The following ZNF385B variants were observed in gnomAD, a reference collection of about 807,000 sequenced individuals.
ZNF385B encodes the protein zinc finger protein 385B.
Under a neutral mutation model 39.2 loss-of-function variants are expected in ZNF385B, and 23 were observed. The observed-to-expected ratio is 0.59, with a 90% CI of 0.42 to 0.83. The LOEUF is 0.83. Ranked by LOEUF, ZNF385B falls within the 40% of genes least tolerant of loss-of-function variation. ZNF385B has a pLI of 0.00. For missense variants in ZNF385B, 552 were observed against 598.9 expected, an observed-to-expected ratio of 0.92 and a Z score of 0.82; for synonymous variants, 205 against 222.6, an observed-to-expected ratio of 0.92 and a Z score of 0.70.
intron 1 of ZNF385B, among the ~76,000 whole-genome samples, chr2:179,775,740 C>T (rs941842398): frequency 6.6e-6 from 1 of 152,068 alleles, no homozygotes. Flanking sequence ...AGAGGATCTT[C>T]GTATTATGTG....
chr2:179,698,733 T>C (rs1252788327), intron 3 of ZNF385B, among the ~76,000 whole-genome samples: 1 of 152,132 alleles, frequency 6.6e-6, no homozygotes, highest in Non-Finnish European at 1.5e-5. Context: ...TAATACAACT[T>C]CCAGATATCA....
intron 3 of ZNF385B, among the ~76,000 whole-genome samples, chr2:179,760,869 G>GT (rs999838339): frequency 1.6e-4 from 24 of 152,070 alleles, no homozygotes; most frequent in African/African-American, 5.3e-4. Flanking sequence ...AAATTTTTAT[G>GT]TTTTTTACAT....
chr2:179,513,451 T>C (rs1253955058), intron 5 of ZNF385B, among the ~76,000 whole-genome samples: 3 of 152,222 alleles, frequency 2.0e-5, no homozygotes, highest in South Asian at 4.1e-4. Flanking sequence ...CATATGCTTA[T>C]GTGTGCACAT....
chr2:179,828,352 ATGCT>A (rs1707791710), intron 1 of ZNF385B, among the ~76,000 whole-genome samples: 1 of 152,192 alleles, frequency 6.6e-6, no homozygotes, highest in Non-Finnish European at 1.5e-5. Flanking sequence ...CAAAATCCAA[ATGCT>A]AATCATTAAA....
At chr2:179,543,537 T>G (rs897915091) in intron 4 of ZNF385B, among the ~76,000 whole-genome samples, 1 of 152,184 alleles carries the variant, frequency 6.6e-6, no homozygotes, top group African/African-American at 2.4e-5. Flanking sequence ...ATCCTCAAGT[T>G]TGCATTCTTT....
intron 3 of ZNF385B, among the ~76,000 whole-genome samples, chr2:179,664,504 C>T (rs144144732): frequency 1.3e-5 from 2 of 152,124 alleles, no homozygotes; most frequent in East Asian, 3.9e-4. Flanking sequence ...GAGGGAGTTA[C>T]ATGAGTTCTG....
At chr2:179,653,588 G>A (rs1266644283) in intron 3 of ZNF385B, among the ~76,000 whole-genome samples, 1 of 152,084 alleles carries the variant, frequency 6.6e-6, no homozygotes, top group East Asian at 1.9e-4. Context: ...GGCTGTTTAT[G>A]CCTTCAGTGT....
At chr2:179,598,036 T>C (rs578104844) in intron 3 of ZNF385B, among the ~76,000 whole-genome samples, 11 of 152,346 alleles carry the variant, frequency 7.2e-5, no homozygotes, top group African/African-American at 2.4e-4. Context: ...CCATGGTAAT[T>C]ACAGTATACC....
chr2:179,739,490 G>A (rs2106446822), intron 3 of ZNF385B, among the ~76,000 whole-genome samples: 1 of 152,292 alleles, frequency 6.6e-6, no homozygotes, highest in East Asian at 1.9e-4. Flanking sequence ...AAGCATAGTG[G>A]GGTATCTAAT....
At chr2:179,634,561 T>C (rs1691556133) in intron 3 of ZNF385B, among the ~76,000 whole-genome samples, 1 of 152,176 alleles carries the variant, frequency 6.6e-6, no homozygotes, top group African/African-American at 2.4e-5. Context: ...CAACAGATGC[T>C]GGAGAGGATG....
intron 3 of ZNF385B, among the ~76,000 whole-genome samples, chr2:179,747,549 T>C (rs1402011256): frequency 6.6e-6 from 1 of 152,110 alleles, no homozygotes; most frequent in Non-Finnish European, 1.5e-5. Context: ...AACACACACA[T>C]AAACTTTCCT....
intron 1 of ZNF385B, among the ~76,000 whole-genome samples, chr2:179,799,859 G>A (rs187395818): frequency 1.3e-5 from 2 of 152,214 alleles, no homozygotes; most frequent in Admixed American, 1.3e-4. Flanking sequence ...CGTCAACTGT[G>A]AATGAGAGCT....
chr2:179,846,226 T>C (rs1708793314), intron 1 of ZNF385B, among the ~76,000 whole-genome samples: 1 of 152,252 alleles, frequency 6.6e-6, no homozygotes, highest in African/African-American at 2.4e-5. Flanking sequence ...TTTGGAACCA[T>C]GAACCAATAG....
At chr2:179,760,907 T>C (rs567335795) in intron 3 of ZNF385B, among the ~76,000 whole-genome samples, 17 of 151,930 alleles carry the variant, frequency 1.1e-4, no homozygotes, top group Non-Finnish European at 2.5e-4. Flanking sequence ...TTTGAGTTAA[T>C]ATTTTTATAT....
At position 179,689,782 on chromosome 2, in the gene ZNF385B, CATGTGTGT is replaced by C. The variant is rs754270160; in HGVS notation, c.298+79713_298+79720del. 3.9e-4 allele frequency among the ~76,000 whole-genome samples: 41 copies of C among 104,872 alleles called. No individual in the cohort carries two copies. In the South Asian group the frequency reaches 0.015, roughly 38 times the overall value. The allele number at this position is 104,872 out of a possible 152,430, so 68.8% of individuals were successfully genotyped here. A position where few individuals can be genotyped will look rare whatever the true frequency, so the allele number is the denominator to read the frequency against. On this transcript the variant is annotated intron_variant, in intron 3 of 9. Transcript: ENST00000410066. ...ATGAAGAAGAGCGTGAGGGCAGGGG[CATGTGTGT>C]GTGTGTGTGTGTGTGTGTGTGTGTG... is the stretch of plus-strand genomic sequence containing the variant.
chr2:179,520,614 G>A (rs2058417950), intron 4 of ZNF385B, among the ~76,000 whole-genome samples: 1 of 152,136 alleles, frequency 6.6e-6, no homozygotes, highest in Non-Finnish European at 1.5e-5. Flanking sequence ...AGTTTATGCA[G>A]GCTTAAAAAT....
intron 3 of ZNF385B, among the ~76,000 whole-genome samples, chr2:179,646,257 G>A (rs1575078328): frequency 6.6e-6 from 1 of 152,056 alleles, no homozygotes; most frequent in South Asian, 2.1e-4. Context: ...TCTACTAAAA[G>A]TACAAAAATT....
Position 179,445,633 on chromosome 2 carries a change from T to G in ZNF385B, c.1057A>C (p.Ser353Arg). ...TTGTTCTGTAGTCCTGACCCCTTACTGCCATTCTGCATCTTTAATCTTGAT... is the reference window on the plus strand; with the variant it reads ...TTGTTCTGTAGTCCTGACCCCTTACGGCCATTCTGCATCTTTAATCTTGAT... ...PGSRLKMQNG[S>R]KGSGLQNKTF... The change falls in exon 8 of 10, where the codon AGT becomes CGT. Residue 353 changes from serine to arginine, a missense_variant. Ser to Arg is a moderately radical substitution (Grantham distance 110). Coordinates refer to ENST00000410066, the MANE Select transcript of ZNF385B (RefSeq NM_152520.6). 2 of 1,614,112 alleles carry G rather than the reference T, an allele frequency of 1.2e-6. No homozygotes were observed. Among genetic ancestry groups the G allele is most frequent in the East Asian group, 4.5e-5 (2 of 44,852 alleles).
intron 3 of ZNF385B, among the ~76,000 whole-genome samples, chr2:179,717,456 G>A (rs978498499): frequency 3.9e-5 from 6 of 152,194 alleles, no homozygotes; most frequent in Admixed American, 1.3e-4. Flanking sequence ...AGTATGGCTG[G>A]GCACAGTGGC....
Sources: allele counts gnomAD v4.1 joint callset (sites outside exome capture counted in the v4.1 genomes callset), GRCh38; gene constraint gnomAD v4.1.1; transcripts MANE v1.5; gene names NCBI Gene and HGNC (gene_info 2026-07-23, HGNC 2026-07-21).